Variants in DHX9 observed in about 807,000 individuals in gnomAD.
The protein encoded by DHX9 is DExH-box helicase 9, also known as ATP-dependent RNA helicase A.
A neutral mutation model predicts 148.7 loss-of-function variants in DHX9; 27 were observed. The observed-to-expected ratio is 0.18, with a 90% CI of 0.13 to 0.25. DHX9 has a LOEUF of 0.25. Ranked by LOEUF, DHX9 falls within the 10% of genes least tolerant of loss-of-function variation. The pLI, the probability that DHX9 is intolerant of heterozygous loss-of-function variation, is 1.00. For synonymous variants in DHX9, 529 were observed against 516.6 expected, an observed-to-expected ratio of 1.02 and a Z score of -0.33; for missense variants, 796 against 1,559.6, an observed-to-expected ratio of 0.51 and a Z score of 8.25.
intron 15 of DHX9, among the ~76,000 whole-genome samples, chr1:182,873,585 C>G (rs745734402): frequency 6.6e-6 from 1 of 152,104 alleles, no homozygotes; most frequent in Non-Finnish European, 1.5e-5. Flanking sequence ...CCGTATGTTA[C>G]TGGATTATAC....
intron 14 of DHX9, among the ~76,000 whole-genome samples, chr1:182,869,095 A>C (rs751341374): frequency 6.6e-6 from 1 of 152,210 alleles, no homozygotes; most frequent in African/African-American, 2.4e-5. Flanking sequence ...GTATTTTTCT[A>C]AAACAGTAAG....
At chr1:182,844,309 T>C (rs1557962618) in intron 3 of DHX9, among the ~76,000 whole-genome samples, 1 of 152,246 alleles carries the variant, frequency 6.6e-6, no homozygotes, top group Non-Finnish European at 1.5e-5. Context: ...TTGTGTTTTT[T>C]ATGTCATGAT....
At chr1:182,883,975 C>G (rs180692362) in intron 26 of DHX9, among the ~76,000 whole-genome samples, 1 of 152,232 alleles carries the variant, frequency 6.6e-6, no homozygotes, top group African/African-American at 2.4e-5. Flanking sequence ...TCTTGAAAAC[C>G]TAGAAAATGC....
At chr1:182,851,050 G>A (rs1668134290) in intron 3 of DHX9, among the ~76,000 whole-genome samples, 1 of 152,144 alleles carries the variant, frequency 6.6e-6, no homozygotes. Context: ...TAGCATTGTG[G>A]TGCCAGGACT....
Position 182,876,445 on chromosome 1 carries a change from A to G in DHX9, c.2030-2A>G. On this transcript the variant is annotated splice_acceptor_variant, in intron 17 of 27. Transcript: ENST00000367549. LOFTEE classifies it high-confidence loss of function. ...CCCTGATTGTTCTTTATTGTTATAT[A>G]GGAAGCCATCGGTATCAGATTCTAC... is the stretch of plus-strand genomic sequence containing the variant. The G allele has an allele frequency of 6.2e-7, 1 of 1,613,018 alleles. No individual in the cohort carries two copies. The highest frequency in any genetic ancestry group is 8.5e-7 in the Non-Finnish European group (1 of 1,179,132).
intron 6 of DHX9, 54 bp downstream of exon 6, chr1:182,854,232 T>G: frequency 6.7e-7 from 1 of 1,495,392 alleles, no homozygotes; most frequent in South Asian, 1.3e-5. Flanking sequence ...GTTTTGGATA[T>G]TCACTGTTGA....
intron 9 of DHX9, 21 bp downstream of exon 9, chr1:182,858,661 T>C: frequency 6.2e-7 from 1 of 1,609,240 alleles, no homozygotes; most frequent in Non-Finnish European, 8.5e-7. Context: ...AGCTGTTTAG[T>C]TCACATTTAC....
Position 182,874,944 on chromosome 1 carries a change from A to G in DHX9, c.1805A>G (p.Glu602Gly). ...AAGGATAAGGATGATGATGGTGGTG[A>G]GGATGATGATGTAAGTGAATTTCAT... The part of the protein sequence containing the change: ...KKKDKDDDGG[E>G]DDDANCNLIC... The change falls in exon 16 of 28, where the codon GAG becomes GGG. Residue 602 changes from glutamate to glycine, a missense_variant. Transcript: ENST00000367549. 1 of 1,612,276 alleles carries G rather than the reference A, an allele frequency of 6.2e-7. No homozygotes were observed.
intron 21 of DHX9, 22 bp downstream of exon 21, chr1:182,879,432 C>G (rs1648980433): frequency 1.4e-6 from 2 of 1,419,190 alleles, no homozygotes; most frequent in Non-Finnish European, 1.9e-6. Context: ...TACAAACCTA[C>G]TTGACGCAGA....
chr1:182,867,206 C>CT (rs1449342243), intron 14 of DHX9, among the ~76,000 whole-genome samples, 163 bp downstream of exon 14: 1 of 151,914 alleles, frequency 6.6e-6, no homozygotes, highest in East Asian at 1.9e-4. Context: ...ATTATTCAAT[C>CT]TTTTTTTTCT....
intron 1 of DHX9, among the ~76,000 whole-genome samples, chr1:182,840,710 A>T (rs765107961): frequency 2.0e-5 from 3 of 152,088 alleles, no homozygotes; most frequent in Non-Finnish European, 2.9e-5. Context: ...GTTACTAAGG[A>T]TTAAGTAAAA....
chr1:182,854,607 A>G (rs547730216), intron 6 of DHX9, among the ~76,000 whole-genome samples: 5 of 152,250 alleles, frequency 3.3e-5, no homozygotes, highest in African/African-American at 1.2e-4. Flanking sequence ...ATTAGATTGT[A>G]TTGCATCTAC....
At chr1:182,862,908 T>A (rs574185988) in intron 12 of DHX9, among the ~76,000 whole-genome samples, 9 of 152,288 alleles carry the variant, frequency 5.9e-5, no homozygotes, top group African/African-American at 2.2e-4. Flanking sequence ...TTAGTACATA[T>A]TATTAGAGCT....
chr1:182,866,306 AT>A (rs1420213456), intron 12 of DHX9, 137 bp from the exon 13 acceptor site: 36 of 886,962 alleles, frequency 4.1e-5, no homozygotes, highest in Non-Finnish European at 5.7e-5. Flanking sequence ...ACCAAATAGT[AT>A]TTTTTGTACA....
At chr1:182,855,892 A>G (rs1306392746) in intron 6 of DHX9, among the ~76,000 whole-genome samples, 1 of 152,164 alleles carries the variant, frequency 6.6e-6, no homozygotes, top group Non-Finnish European at 1.5e-5. Context: ...CATTTTTTAG[A>G]CTCTGCTAGC....
In DHX9 at chr1:182,887,314, AGGAGACTACAGAGGGCCTAGT is replaced by A. The variant is rs767015875; in HGVS notation, c.3698_3718del (p.Asp1233_Gly1239del). The A allele has an allele frequency of 5.6e-6, 9 of 1,614,006 alleles. No individual in the cohort carries two copies. Among genetic ancestry groups the A allele is most frequent in the South Asian group, 1.1e-5 (1 of 91,090 alleles). ...GAGGTGGCTTTAGAGGCAACTCTGG[AGGAGACTACAGAGGGCCTAGT>A]GGAGGCTACAGAGGATCTGGGGGAT... is the stretch of plus-strand genomic sequence containing the variant. On this transcript the variant is annotated inframe_deletion, in exon 28 of 28. Transcript: ENST00000367549.
chr1:182,852,727 A>G (rs1042945744), intron 4 of DHX9, among the ~76,000 whole-genome samples: 2 of 152,172 alleles, frequency 1.3e-5, no homozygotes, highest in African/African-American at 4.8e-5. Flanking sequence ...AGGTCCTTGA[A>G]TAACTTTGTT....
chr1:182,856,304 A>G lies in DHX9; in HGVS notation c.627-228A>G, dbSNP rs1668250095. 2.0e-5 allele frequency among the ~76,000 whole-genome samples: 3 copies of G among 152,224 alleles called. No homozygotes were observed. The South Asian group carries it at 6.2e-4, about 31-fold the overall frequency. On this transcript the variant is annotated intron_variant, in intron 6 of 27. Coordinates refer to ENST00000367549, the MANE Select transcript of DHX9 (RefSeq NM_001357.5). Reference sequence around the variant, plus strand: ...TCTAATACCCTAACGTTTTCCTTTCATGAACAATTGGCTCATCAACTTTGA... The same window carrying G: ...TCTAATACCCTAACGTTTTCCTTTCGTGAACAATTGGCTCATCAACTTTGA...
At chr1:182,858,693 C>T in intron 9 of DHX9, 40 bp from the exon 10 acceptor site, 1 of 1,612,508 alleles carries the variant, frequency 6.2e-7, no homozygotes, top group Non-Finnish European at 8.5e-7. Context: ...CGTAGACAAG[C>T]AAATCATATT....
Sources: gnomAD v4.1 joint callset for allele counts (sites outside exome capture counted in the v4.1 genomes callset) on GRCh38, gnomAD v4.1.1 for gene constraint, MANE v1.5 for transcripts, NCBI Gene and HGNC (gene_info 2026-07-23, HGNC 2026-07-21) for gene names.